The following KDM7A variants were observed in gnomAD, a reference collection of about 807,000 sequenced individuals.
KDM7A encodes lysine-specific demethylase 7A.
Under a neutral mutation model 114.8 loss-of-function variants are expected in KDM7A, and 28 were observed. The ratio of observed to expected loss-of-function variants is 0.24; its 90% CI spans 0.18 to 0.33. The LOEUF (loss-of-function observed/expected upper bound fraction) is 0.33. KDM7A is among the 10% of genes least tolerant of loss of function. KDM7A has a pLI of 1.00. For synonymous variants in KDM7A, 423 were observed against 397.8 expected (o/e 1.06, Z -0.75); for missense variants, 942 against 1,142.5 (o/e 0.82, Z 2.53).
rs558614538 is a variant in KDM7A, at chr7:140,093,705, AAAAC to A, written c.2457+347_2457+350del. On this transcript the variant is annotated intron_variant, in intron 18 of 19. Transcript: ENST00000397560. ...AAATGCTCAAAGAAATTCAGTATCCAAAACCGTTCAAGAAACAGCATCAGAGATT... is the reference window on the plus strand; with the variant it reads ...AAATGCTCAAAGAAATTCAGTATCCACGTTCAAGAAACAGCATCAGAGATT... 3.2e-3 allele frequency among the ~76,000 whole-genome samples: 495 copies of A among 152,392 alleles called. 1 individual carries two copies. The highest frequency in any genetic ancestry group is 0.017 in the Middle Eastern group (5 of 294).
At chr7:140,099,179 G>C in intron 13 of KDM7A, 146 bp from the exon 14 acceptor site, 1 of 686,166 alleles carries the variant, frequency 1.5e-6, no homozygotes, top group Non-Finnish European at 2.4e-6. Context: ...GTATGCGCTA[G>C]GGATCTGAGG....
intron 10 of KDM7A, among the ~76,000 whole-genome samples, chr7:140,113,116 T>C (rs753570535): frequency 1.3e-5 from 2 of 152,238 alleles, no homozygotes; most frequent in African/African-American, 4.8e-5. Flanking sequence ...CAACAGCACC[T>C]AGACCTCACA....
At chr7:140,158,743 G>A (rs529102838) in intron 1 of KDM7A, among the ~76,000 whole-genome samples, 111 of 152,318 alleles carry the variant, frequency 7.3e-4, no homozygotes, top group Admixed American at 4.1e-3. Flanking sequence ...GAACTGAGAA[G>A]GAGGGGTAGC....
intron 1 of KDM7A, among the ~76,000 whole-genome samples, chr7:140,166,643 C>G (rs1428675763): frequency 6.6e-6 from 1 of 152,120 alleles, no homozygotes; most frequent in Non-Finnish European, 1.5e-5. Context: ...TGGAGGAATA[C>G]TGTCTTAATA....
chr7:140,122,776 A>G (rs1010670430), intron 7 of KDM7A, among the ~76,000 whole-genome samples: 1 of 152,202 alleles, frequency 6.6e-6, no homozygotes, highest in Non-Finnish European at 1.5e-5. Context: ...CTCAAGACAC[A>G]CCCTATGCTG....
intron 1 of KDM7A, among the ~76,000 whole-genome samples, chr7:140,175,315 G>A (rs1794690285): frequency 1.3e-5 from 2 of 152,208 alleles, no homozygotes; most frequent in African/African-American, 4.8e-5. Flanking sequence ...TGGACCAGTA[G>A]AGGGAGACTA....
At chr7:140,136,507 T>C (rs187181524) in intron 2 of KDM7A, among the ~76,000 whole-genome samples, 2 of 152,316 alleles carry the variant, frequency 1.3e-5, no homozygotes, top group East Asian at 3.9e-4. Context: ...TGTGTTTGGA[T>C]TGCATGTGCC....
intron 11 of KDM7A, among the ~76,000 whole-genome samples, chr7:140,109,825 A>G (rs1818403940): frequency 6.6e-6 from 1 of 152,232 alleles, no homozygotes. Context: ...GCCACATAAC[A>G]TATTGTCATT....
rs1818913984 is a variant in KDM7A at position 140,139,092 on chromosome 7, A to G, written c.280+13T>C. The G allele has an allele frequency of 6.4e-7, 1 of 1,557,764 alleles. No homozygotes were observed. The highest frequency in any genetic ancestry group is 1.4e-5 in the African/African-American group (1 of 73,850). On this transcript the variant is annotated intron_variant, in intron 2 of 19. Coordinates refer to ENST00000397560, the MANE Select transcript of KDM7A (RefSeq NM_030647.2). Reference sequence around the variant, plus strand: ...CTGAAATGTCCATTTTTATTTAAGCATCTAGTACTTACTCAAGGAGGAACC... The same window carrying G: ...CTGAAATGTCCATTTTTATTTAAGCGTCTAGTACTTACTCAAGGAGGAACC...
In KDM7A at chr7:140,124,062, T is replaced by TC. The variant is rs1172488941; in HGVS notation, c.1051+558dup. 3.9e-5 allele frequency among the ~76,000 whole-genome samples: 5 copies of TC among 126,910 alleles called. No individual in the cohort carries two copies. In the East Asian group the frequency reaches 8.4e-4, roughly 21 times the overall value. 83.3% of individuals were successfully genotyped at this position (126,910 alleles called of 152,430 possible). ...TCCAGCCTGAGCGACAGAGCAAGAC[T>TC]CTGTCTCAAAAAAAAAAAAAAAAGT... On this transcript the variant is annotated intron_variant, in intron 7 of 19. Transcript: ENST00000397560.
At chr7:140,111,313 G>T in intron 10 of KDM7A, 129 bp from the exon 11 acceptor site, 1 of 591,252 alleles carries the variant, frequency 1.7e-6, no homozygotes. Context: ...AGTAAGCCAG[G>T]TTTCAGAGTT....
chr7:140,105,019 C>T (rs1472026202), intron 11 of KDM7A, among the ~76,000 whole-genome samples: 4 of 152,032 alleles, frequency 2.6e-5, no homozygotes, highest in African/African-American at 7.3e-5. Context: ...GCTTGTAAAT[C>T]GGATTCCTAG....
intron 5 of KDM7A, 98 bp downstream of exon 5, chr7:140,127,344 A>C (rs1360184572): frequency 1.9e-6 from 2 of 1,034,180 alleles, no homozygotes; most frequent in Non-Finnish European, 2.8e-6. Flanking sequence ...GGACAACTTT[A>C]GAAGTCACAA....
rs1817907500 is a variant in KDM7A at position 140,085,272 on chromosome 7, A to G, written c.*5822T>C. 6.6e-6 allele frequency: 1 copy of G among 152,244 alleles called. No individual in the cohort carries two copies. Among genetic ancestry groups the G allele is most frequent in the South Asian group, 2.1e-4 (1 of 4,832 alleles). The allele number at this position is 152,244 out of a possible 1,614,324, so 9.4% of individuals were successfully genotyped here. ...GACCGTGGGCATAAAAACCAGTAAG[A>G]AAAGTCAGTCAGGCTAGCAAAACGT... On this transcript the variant is annotated 3_prime_UTR_variant, in exon 20 of 20. Transcript: ENST00000397560.
chr7:140,157,074 C>T (rs962167775), intron 1 of KDM7A, among the ~76,000 whole-genome samples: 1 of 152,112 alleles, frequency 6.6e-6, no homozygotes, highest in Non-Finnish European at 1.5e-5. Flanking sequence ...GTAAATAATA[C>T]TTGGGTAATA....
chr7:140,167,417 G>C (rs932427174), intron 1 of KDM7A, among the ~76,000 whole-genome samples: 11 of 152,170 alleles, frequency 7.2e-5, no homozygotes, highest in African/African-American at 2.4e-4. Flanking sequence ...TCAACCAGTG[G>C]AATAAAACAG....
chr7:140,102,452 G>A (rs1818246828), intron 11 of KDM7A, among the ~76,000 whole-genome samples: 1 of 149,920 alleles, frequency 6.7e-6, no homozygotes. Context: ...GTGCAATCTT[G>A]CCTCACCGCA....
chr7:140,150,468 G>C (rs1794386606), intron 1 of KDM7A, among the ~76,000 whole-genome samples: 1 of 152,184 alleles, frequency 6.6e-6, no homozygotes, highest in Non-Finnish European at 1.5e-5. Context: ...CCTTTCAAAA[G>C]AATGATGCAG....
At chr7:140,143,376 C>T (rs1218770202) in intron 1 of KDM7A, among the ~76,000 whole-genome samples, 1 of 151,768 alleles carries the variant, frequency 6.6e-6, no homozygotes, top group Non-Finnish European at 1.5e-5. Context: ...CAGGTGGTGT[C>T]CTGGGGTTCT....
Sources: gnomAD v4.1 joint callset for allele counts (sites outside exome capture counted in the v4.1 genomes callset) on GRCh38, gnomAD v4.1.1 for gene constraint, MANE v1.5 for transcripts, NCBI Gene and HGNC (gene_info 2026-07-23, HGNC 2026-07-21) for gene names.